LGR5: variants seen among roughly 807,000 people sequenced by gnomAD.
The protein encoded by LGR5 is leucine rich repeat containing G protein-coupled receptor 5, also known as leucine-rich repeat-containing G protein-coupled receptor 5.
Under a neutral mutation model 76.7 loss-of-function variants are expected in LGR5, and 54 were observed. The observed-to-expected ratio is 0.70, with a 90% confidence interval of 0.57 to 0.88. The LOEUF (loss-of-function observed/expected upper bound fraction) is 0.88. Among genes scored for constraint, LGR5 ranks in the 40% least tolerant of loss-of-function variants. The pLI is 0.00. For synonymous variants in LGR5, 406 were observed against 421.9 expected, an observed-to-expected ratio of 0.96 and a Z score of 0.46; for missense variants, 1,078 against 1,073.3, an observed-to-expected ratio of 1.00 and a Z score of -0.06.
intron 3 of LGR5, among the ~76,000 whole-genome samples, chr12:71,525,895 AT>A (rs1334782337): frequency 2.0e-5 from 3 of 151,396 alleles, no homozygotes; most frequent in African/African-American, 7.2e-5. Context: ...TCTTATACTA[AT>A]TTTTCTATCA....
At chr12:71,469,975 C>T (rs1480589628) in intron 1 of LGR5, among the ~76,000 whole-genome samples, 1 of 152,160 alleles carries the variant, frequency 6.6e-6, no homozygotes, top group Non-Finnish European at 1.5e-5. Flanking sequence ...GTCCTCCCTT[C>T]TCACCTGGAT....
chr12:71,527,400 G>C (rs1565722219), intron 3 of LGR5, among the ~76,000 whole-genome samples: 1 of 152,094 alleles, frequency 6.6e-6, no homozygotes, highest in South Asian at 2.1e-4. Flanking sequence ...GCTGACATCT[G>C]GTGAGGGCTG....
At chr12:71,471,017 C>T (rs1022313136) in intron 1 of LGR5, among the ~76,000 whole-genome samples, 22 of 152,158 alleles carry the variant, frequency 1.4e-4, no homozygotes, top group Non-Finnish European at 3.1e-4. Flanking sequence ...GTCTCCCCTC[C>T]CCATGAGGAC....
chr12:71,520,924 T>C (rs1194716902), intron 2 of LGR5, among the ~76,000 whole-genome samples: 1 of 151,548 alleles, frequency 6.6e-6, no homozygotes, highest in Non-Finnish European at 1.5e-5. Flanking sequence ...TTAAAAATGC[T>C]ACTGAATCTA....
intron 1 of LGR5, 138 bp from the exon 2 acceptor site, chr12:71,504,476 T>A: frequency 1.3e-6 from 1 of 754,342 alleles, no homozygotes; most frequent in Admixed American, 1.8e-5. Context: ...ATATTTAAGA[T>A]GTAGAATAGC....
At chr12:71,533,770 G>T (rs1222596003) in intron 3 of LGR5, among the ~76,000 whole-genome samples, 1 of 152,216 alleles carries the variant, frequency 6.6e-6, no homozygotes, top group Non-Finnish European at 1.5e-5. Flanking sequence ...CTGCAAGGTA[G>T]GTGTTATTAC....
chr12:71,524,374 T>C (rs1178473304), intron 2 of LGR5, 32 bp from the exon 3 acceptor site: 1 of 1,511,828 alleles, frequency 6.6e-7, no homozygotes. Context: ...AGAGGTATGC[T>C]CACTCTCTCT....
chr12:71,535,762 C>T (rs1876553590), intron 4 of LGR5, among the ~76,000 whole-genome samples: 1 of 152,186 alleles, frequency 6.6e-6, no homozygotes, highest in Non-Finnish European at 1.5e-5. Flanking sequence ...CAGATACAAA[C>T]ATACCTTAGA....
rs112842529 is a variant in LGR5, at chr12:71,556,542, T to G, written c.645-77T>G. ...AGTGCATTCTTCAGTATATGTTTCT[T>G]TGGATTTAAGCTATCAAAATGTTAA... On this transcript the variant is annotated intron_variant, in intron 5 of 17. Transcript: ENST00000266674. 172 of 976,158 alleles carry G rather than the reference T, an allele frequency of 1.8e-4. 4 individuals carry two copies. The highest frequency in any genetic ancestry group is 1.5e-3 in the African/African-American group (93 of 62,192). The allele number at this position is 976,158 out of a possible 1,614,324, so 60.5% of individuals were successfully genotyped here. A position where few individuals can be genotyped will look rare whatever the true frequency, so the allele number is the denominator to read the frequency against.
At chr12:71,546,173 G>A (rs1319755184) in intron 4 of LGR5, among the ~76,000 whole-genome samples, 5 of 151,982 alleles carry the variant, frequency 3.3e-5, no homozygotes, top group African/African-American at 9.7e-5. Flanking sequence ...AAATTAGCTG[G>A]GTGTGGTGGC....
chr12:71,553,284 G>A lies in LGR5; in HGVS notation c.640G>A (p.Val214Ile), dbSNP rs148122019. ...YAFGNLSSLV[V>I]LHLHNNRIHS... ...CTTTGGAAACCTCTCCAGCTTGGTA[G>A]TTCTGTAAGTTTTATTGATTTTGCT... Residue 214 changes from valine (V) to isoleucine (I), a missense_variant, in exon 5 of 18, where the codon GTT (valine) becomes ATT (isoleucine). Transcript: ENST00000266674. 5.6e-4 allele frequency: 911 copies of A among 1,612,488 alleles called. 5 individuals carry two copies. In the Middle Eastern group the frequency reaches 0.012, roughly 21 times the overall value.
intron 5 of LGR5, among the ~76,000 whole-genome samples, chr12:71,556,026 A>C (rs1472184326): frequency 6.6e-6 from 1 of 152,180 alleles, no homozygotes; most frequent in Non-Finnish European, 1.5e-5. Context: ...CCTTTGCAGG[A>C]ACATGGATGG....
upstream of LGR5, among the ~76,000 whole-genome samples, chr12:71,439,570 G>A (rs901494835): frequency 6.6e-6 from 1 of 151,806 alleles, no homozygotes; most frequent in Non-Finnish European, 1.5e-5. Flanking sequence ...GTTGAGCACT[G>A]AATCTTCCAG....
rs564554939 is a variant in LGR5, at chr12:71,440,927, C to G, written c.212+635C>G. ...ATTAAAATGTGGCAACCACAAACCC[C>G]GATTAGAGCTGCCAGAACGTTATCT... is the stretch of plus-strand genomic sequence containing the variant. On this transcript the variant is annotated intron_variant, in intron 1 of 17. Coordinates refer to ENST00000266674, the MANE Select transcript of LGR5 (RefSeq NM_003667.4). This position sits in a 1 kb window ranked among gnomAD's most constrained non-coding sequence, Gnocchi z 5.3. 7.0e-4 allele frequency among the ~76,000 whole-genome samples: 106 copies of G among 152,082 alleles called. No individual in the cohort carries two copies. The highest frequency in any genetic ancestry group is 1.1e-3 in the Admixed American group (17 of 15,256).
intron 2 of LGR5, among the ~76,000 whole-genome samples, chr12:71,521,097 G>A (rs1875706071): frequency 6.6e-6 from 1 of 152,212 alleles, no homozygotes; most frequent in South Asian, 2.1e-4. Context: ...GTCTGTGATA[G>A]TTCAGGTGCA....
At position 71,584,769 on chromosome 12, in the gene LGR5, G is replaced by A; in HGVS notation, c.*35G>A. 1.9e-6 allele frequency: 3 copies of A among 1,579,518 alleles called. No homozygotes were observed. Among genetic ancestry groups the A allele is most frequent in the Non-Finnish European group, 2.6e-6 (3 of 1,157,950 alleles). On this transcript the variant is annotated 3_prime_UTR_variant, in exon 18 of 18. Coordinates refer to ENST00000266674, the MANE Select transcript of LGR5 (RefSeq NM_003667.4). ...GAAGGAAAATGTTTTCAAAGGTTGA[G>A]AACCTGAAAATGTGAGATTGAGTAT...
chr12:71,576,325 T>G (rs1295589407), intron 13 of LGR5, among the ~76,000 whole-genome samples: 2 of 152,112 alleles, frequency 1.3e-5, no homozygotes, highest in African/African-American at 4.8e-5. Flanking sequence ...AAAGGATGGG[T>G]GTGCAGAAAC....
intron 2 of LGR5, among the ~76,000 whole-genome samples, chr12:71,513,667 AT>A: frequency 6.6e-6 from 1 of 152,342 alleles, no homozygotes. Flanking sequence ...GTGCCCTAGC[AT>A]TTATGGACTG....
At chr12:71,535,336 T>C (rs547517291) in intron 4 of LGR5, 150 bp downstream of exon 4, 7 of 612,048 alleles carry the variant, frequency 1.1e-5, no homozygotes, top group East Asian at 5.6e-5. Context: ...CAACTCTTCA[T>C]AGCCTCATTG....
Sources: allele counts gnomAD v4.1 joint callset (sites outside exome capture counted in the v4.1 genomes callset), GRCh38; gene constraint gnomAD v4.1.1; non-coding constraint Gnocchi (gnomAD v3.1); transcripts MANE v1.5; gene names NCBI Gene and HGNC (gene_info 2026-07-23, HGNC 2026-07-21).